Variants in LOC400499 observed in about 807,000 individuals in gnomAD.
the LOC400499 span, among the ~76,000 whole-genome samples, chr16:11,496,888 A>G: frequency 6.9e-6 from 1 of 144,270 alleles, no homozygotes; most frequent in Non-Finnish European, 1.5e-5. Context: ...GTATGCCTCA[A>G]TGTGTGTGTG....
At chr16:11,501,551 C>T in the LOC400499 span, among the ~76,000 whole-genome samples, 1 of 151,934 alleles carries the variant, frequency 6.6e-6, no homozygotes, top group Non-Finnish European at 1.5e-5. Flanking sequence ...GAGATGGGGG[C>T]ATTGCTATGT....
chr16:11,436,341 A>G, the LOC400499 span, among the ~76,000 whole-genome samples: 1 of 152,136 alleles, frequency 6.6e-6, no homozygotes, highest in Non-Finnish European at 1.5e-5. Context: ...AGAGGATGGC[A>G]TCTGGGTACC....
the LOC400499 span, chr16:11,398,618 C>A: frequency 2.3e-6 from 2 of 854,630 alleles, no homozygotes; most frequent in Non-Finnish European, 3.1e-6. Context: ...AGGAATGTGC[C>A]GTCAGAGCTC....
chr16:11,465,081 G>A, the LOC400499 span, among the ~76,000 whole-genome samples: 1 of 152,200 alleles, frequency 6.6e-6, no homozygotes, highest in Non-Finnish European at 1.5e-5. Context: ...GAAGACACTG[G>A]AAACTGAGGC....
At chr16:11,494,500 C>A in the LOC400499 span, 1 of 382,606 alleles carries the variant, frequency 2.6e-6, no homozygotes, top group Non-Finnish European at 4.6e-6. Context: ...ACCCTCTCCA[C>A]CTGGAGCTTG....
chr16:11,419,788 T>C, the LOC400499 span, among the ~76,000 whole-genome samples: 2 of 151,892 alleles, frequency 1.3e-5, no homozygotes, highest in East Asian at 3.9e-4. Context: ...GCAAAGGATA[T>C]GAACAGACAC....
the LOC400499 span, among the ~76,000 whole-genome samples, chr16:11,414,035 G>A: frequency 2.6e-3 from 395 of 152,266 alleles, 9 homozygotes; most frequent in African/African-American, 9.0e-3. Context: ...GCTGGGCACA[G>A]GGCAGGGCTT....
the LOC400499 span, chr16:11,457,163 GA>G: frequency 2.2e-6 from 2 of 907,134 alleles, no homozygotes; most frequent in African/African-American, 3.4e-5. Flanking sequence ...CGGGCAACGG[GA>G]GTGGAACGCA....
chr16:11,444,504 A>G, the LOC400499 span, among the ~76,000 whole-genome samples: 1 of 152,218 alleles, frequency 6.6e-6, no homozygotes, highest in South Asian at 2.1e-4. Flanking sequence ...ACGCCCGTTC[A>G]TTACGTATTA....
At chr16:11,462,115 A>AC in the LOC400499 span, 2 of 1,492,312 alleles carry the variant, frequency 1.3e-6, no homozygotes, top group Non-Finnish European at 1.8e-6. Context: ...CTCATCTCCT[A>AC]CCTGTCACGT....
At chr16:11,466,975 C>T in the LOC400499 span, among the ~76,000 whole-genome samples, 59 of 151,982 alleles carry the variant, frequency 3.9e-4, no homozygotes, top group African/African-American at 1.4e-3. Context: ...ATTTTTGAGA[C>T]GCAGTCTTGC....
chr16:11,405,725 G>C, the LOC400499 span, among the ~76,000 whole-genome samples: 1 of 152,112 alleles, frequency 6.6e-6, no homozygotes, highest in Admixed American at 6.6e-5. Flanking sequence ...CCCATTATGG[G>C]GCTTCCTCAC....
chr16:11,405,504 C>A, the LOC400499 span, among the ~76,000 whole-genome samples: 11 of 152,262 alleles, frequency 7.2e-5, no homozygotes, highest in African/African-American at 2.6e-4. Flanking sequence ...GGGGAGGAGG[C>A]AGGGAAGAGC....
At chr16:11,419,852 A>G in the LOC400499 span, among the ~76,000 whole-genome samples, 193 of 151,962 alleles carry the variant, frequency 1.3e-3, no homozygotes, top group African/African-American at 4.3e-3. Flanking sequence ...AATGCTCATC[A>G]TCACTGGCCA....
chr16:11,478,481 G>A, the LOC400499 span: 3 of 398,778 alleles, frequency 7.5e-6, no homozygotes, highest in African/African-American at 4.1e-5. Context: ...TAAGTGCTTT[G>A]CCAAGTGTCA....
the LOC400499 span, chr16:11,414,564 C>G: frequency 2.5e-6 from 1 of 399,284 alleles, no homozygotes; most frequent in Non-Finnish European, 4.4e-6. Context: ...CCTTCCCAGC[C>G]CAGGAACACA....
the LOC400499 span, chr16:11,412,829 G>C: frequency 2.5e-6 from 1 of 399,200 alleles, no homozygotes; most frequent in East Asian, 3.6e-5. Flanking sequence ...TCCTCCTGGG[G>C]GCCCCCCTCA....
chr16:11,462,384 G>A, the LOC400499 span: 24 of 1,381,872 alleles, frequency 1.7e-5, no homozygotes, highest in Non-Finnish European at 2.1e-5. Flanking sequence ...GGACCAGACA[G>A]GGCAGGAGAC....
the LOC400499 span, among the ~76,000 whole-genome samples, chr16:11,448,250 C>G: frequency 6.6e-6 from 1 of 152,170 alleles, no homozygotes; most frequent in Admixed American, 6.5e-5. Context: ...CCACAGGATC[C>G]CACCGGCACA....
Sources: allele counts gnomAD v4.1 joint callset (sites outside exome capture counted in the v4.1 genomes callset), GRCh38; gene constraint gnomAD v4.1.1; transcripts MANE v1.5.